The following DPF3 variants were observed in gnomAD, a reference collection of about 807,000 sequenced individuals.
DPF3 encodes double PHD fingers 3.
A neutral mutation model predicts 56.8 loss-of-function variants in DPF3; 18 were observed. The ratio of observed to expected loss-of-function variants is 0.32; its 90% CI spans 0.22 to 0.47. The LOEUF (loss-of-function observed/expected upper bound fraction) is 0.47. Ranked by LOEUF, DPF3 falls within the 20% of genes least tolerant of loss-of-function variation. The pLI, the probability that DPF3 is intolerant of heterozygous loss-of-function variation, is 1.00. For missense variants in DPF3, 403 were observed against 488.8 expected, an observed-to-expected ratio of 0.82 and a Z score of 1.65; for synonymous variants, 188 against 180.2, an observed-to-expected ratio of 1.04 and a Z score of -0.35.
chr14:72,707,506 C>T (rs949198172), intron 6 of DPF3, among the ~76,000 whole-genome samples: 15 of 152,170 alleles, frequency 9.9e-5, no homozygotes, highest in South Asian at 2.1e-4. Flanking sequence ...GAGCAAATTA[C>T]GAGACATGTC....
At position 72,772,830 on chromosome 14, in the gene DPF3, A is replaced by G. The variant is rs79391080; in HGVS notation, c.33-937T>C. Among the ~76,000 whole-genome samples the G allele has an allele frequency of 7.4e-3, 1,134 of 152,322 alleles. 13 individuals carry two copies. The highest frequency in any genetic ancestry group is 0.025 in the South Asian group (121 of 4,830). On this transcript the variant is annotated intron_variant, in intron 1 of 10. Transcript: ENST00000556509. ...AGGTTAATAAATGCCTCAAAGAAAT[A>G]CAAATGTAATAACATAACTTATGCC...
At chr14:72,626,130 T>C (rs1884813627) in intron 9 of DPF3, among the ~76,000 whole-genome samples, 1 of 152,190 alleles carries the variant, frequency 6.6e-6, no homozygotes, top group Admixed American at 6.5e-5. Flanking sequence ...TATTTCATTT[T>C]AGTTTTTCCC....
intron 1 of DPF3, among the ~76,000 whole-genome samples, chr14:72,833,444 G>A (rs999609750): frequency 5.3e-5 from 8 of 152,210 alleles, no homozygotes; most frequent in Non-Finnish European, 1.0e-4. Context: ...AGAAGCCCAG[G>A]ATGAATATGT....
intron 7 of DPF3, among the ~76,000 whole-genome samples, chr14:72,690,594 ACACGCACACACAACATG>A (rs1455017724): frequency 2.0e-5 from 3 of 151,790 alleles, no homozygotes; most frequent in African/African-American, 4.8e-5. Context: ...ACACGTATAC[ACACGCACACACAACATG>A]CACGCACACA....
At chr14:72,756,009 C>T (rs1956712558) in intron 2 of DPF3, among the ~76,000 whole-genome samples, 1 of 152,106 alleles carries the variant, frequency 6.6e-6, no homozygotes, top group Admixed American at 6.5e-5. Context: ...TGTGTGCGTG[C>T]ATGTGCATGT....
At chr14:72,836,189 G>T (rs533404711) in intron 1 of DPF3, 2 of 985,924 alleles carry the variant, frequency 2.0e-6, no homozygotes, top group Non-Finnish European at 2.4e-6. Flanking sequence ...TCTGGGGAGG[G>T]GGCACTGAGG....
intron 1 of DPF3, among the ~76,000 whole-genome samples, chr14:72,850,253 G>A (rs529780544): frequency 1.3e-5 from 2 of 152,134 alleles, no homozygotes; most frequent in Non-Finnish European, 2.9e-5. Flanking sequence ...GGTTGAATGT[G>A]AACATCCTCC....
chr14:72,857,275 AG>A (rs1233083355), intron 1 of DPF3, among the ~76,000 whole-genome samples: 1 of 152,238 alleles, frequency 6.6e-6, no homozygotes, highest in African/African-American at 2.4e-5. Context: ...CTGCTGACTG[AG>A]GAAAAATGAT....
At chr14:72,887,691 A>AGAG (rs1555517045) in intron 1 of DPF3, among the ~76,000 whole-genome samples, 2 of 152,102 alleles carry the variant, frequency 1.3e-5, no homozygotes, top group Non-Finnish European at 2.9e-5. Flanking sequence ...TATGCGGCTC[A>AGAG]AAGTTCTGTG....
chr14:72,810,452 G>A lies in DPF3; in HGVS notation c.33-38559C>T, dbSNP rs117501457. The stretch of plus-strand genomic sequence containing the variant: ...GTCAGCAAATGTGTACCGAGCTTCC[G>A]GGCTGCAGAGGAAGGTGGGCGTGTG... On this transcript the variant is annotated intron_variant, in intron 1 of 10. Transcript: ENST00000556509. Among the ~76,000 whole-genome samples, 343 of 152,254 alleles carry A rather than the reference G, an allele frequency of 2.3e-3. 1 individual carries two copies. Among genetic ancestry groups the A allele is most frequent in the South Asian group, 5.2e-3 (25 of 4,810 alleles).
At chr14:72,700,308 C>T (rs925725540) in intron 6 of DPF3, among the ~76,000 whole-genome samples, 1 of 152,196 alleles carries the variant, frequency 6.6e-6, no homozygotes, top group Non-Finnish European at 1.5e-5. Flanking sequence ...AGGCCCCACA[C>T]TTGGTTTAAT....
intron 1 of DPF3, among the ~76,000 whole-genome samples, chr14:72,813,639 G>T (rs1173002347): frequency 1.3e-5 from 2 of 152,186 alleles, no homozygotes; most frequent in African/African-American, 4.8e-5. Context: ...GTGTTGCAGG[G>T]GCCAAAGGCA....
At chr14:72,812,230 C>T (rs1178571608) in intron 1 of DPF3, among the ~76,000 whole-genome samples, 1 of 152,106 alleles carries the variant, frequency 6.6e-6, no homozygotes, top group Non-Finnish European at 1.5e-5. Context: ...ACCTTTTTCC[C>T]ATCCCCACCC....
At chr14:72,887,630 T>C (rs113273049) in intron 1 of DPF3, among the ~76,000 whole-genome samples, 1 of 152,152 alleles carries the variant, frequency 6.6e-6, no homozygotes, top group African/African-American at 2.4e-5. Context: ...AGTTGTTGGC[T>C]TGAAAGGAAT....
chr14:72,777,878 G>A (rs1374120114), intron 1 of DPF3, among the ~76,000 whole-genome samples: 3 of 152,154 alleles, frequency 2.0e-5, no homozygotes, highest in African/African-American at 4.8e-5. Flanking sequence ...GCAGAACGAT[G>A]AGCCAATTAA....
At chr14:72,826,956 C>A (rs1223327420) in intron 1 of DPF3, among the ~76,000 whole-genome samples, 1 of 151,224 alleles carries the variant, frequency 6.6e-6, no homozygotes, top group Non-Finnish European at 1.5e-5. Context: ...GCAGGAGAAT[C>A]GCTTGAAACT....
In DPF3 at chr14:72,613,028, GTGTA is replaced by G. The variant is rs990407040; in HGVS notation, c.*6265_*6268del. 4.0e-5 allele frequency among the ~76,000 whole-genome samples: 6 copies of G among 148,276 alleles called. No homozygotes were observed. The highest frequency in any genetic ancestry group is 1.5e-4 in the African/African-American group (6 of 39,160). ...TGTGTGTGTGTGTGTGTGTGTGTGT[GTGTA>G]TGTGCGTGCGTGCACGCACGCGCAT... On this transcript the variant is annotated 3_prime_UTR_variant, in exon 11 of 11. Coordinates refer to ENST00000556509, the MANE Select transcript of DPF3 (RefSeq NM_001280542.3).
Position 72,814,744 on chromosome 14 carries a change from A to T in DPF3, c.33-42851T>A, listed in dbSNP as rs776878213. Among the ~76,000 whole-genome samples the T allele has an allele frequency of 7.6e-4, 116 of 151,934 alleles. 1 individual carries two copies. Among genetic ancestry groups the T allele is most frequent in the Middle Eastern group, 3.4e-3 (1 of 294 alleles). ...GAGAACTGCTTAACCGGGAAGGCAG[A>T]TGTTGCAGTGAGCCGAGATCGCGCC... On this transcript the variant is annotated intron_variant, in intron 1 of 10. Coordinates refer to ENST00000556509, the MANE Select transcript of DPF3 (RefSeq NM_001280542.3).
intron 6 of DPF3, among the ~76,000 whole-genome samples, chr14:72,712,541 G>A (rs1888699325): frequency 6.6e-6 from 1 of 152,212 alleles, no homozygotes; most frequent in East Asian, 1.9e-4. Context: ...ACGGTCTATA[G>A]TAGCAGACAA....
Sources: gnomAD v4.1 joint callset for allele counts (sites outside exome capture counted in the v4.1 genomes callset) on GRCh38, gnomAD v4.1.1 for gene constraint, MANE v1.5 for transcripts, NCBI Gene and HGNC (gene_info 2026-07-23, HGNC 2026-07-21) for gene names.